The following ABCB7 variants were observed in gnomAD, a reference collection of about 807,000 sequenced individuals.
ABCB7 encodes ATP binding cassette subfamily B member 7.
Under a neutral mutation model 54.4 loss-of-function variants are expected in ABCB7, and 7 were observed. The observed-to-expected ratio is 0.13, with a 90% CI of 0.07 to 0.24. The LOEUF (loss-of-function observed/expected upper bound fraction) is 0.24, where lower values mean the gene tolerates loss of function less well. Among genes scored for constraint, ABCB7 ranks in the 10% least tolerant of loss-of-function variants. The pLI, the probability that ABCB7 is intolerant of heterozygous loss-of-function variation, is 1.00. For synonymous variants in ABCB7, 218 were observed against 207.1 expected, an observed-to-expected ratio of 1.05 and a Z score of -0.45; for missense variants, 356 against 570.4, an observed-to-expected ratio of 0.62 and a Z score of 3.83.
intron 1 of ABCB7, among the ~76,000 whole-genome samples, chrX:75,149,982 T>G (rs995935014): frequency 1.8e-5 from 2 of 111,371 alleles, no homozygotes; most frequent in Non-Finnish European, 3.8e-5. Flanking sequence ...TGGCTAGCAA[T>G]CTAGTTAGGT....
intron 1 of ABCB7, among the ~76,000 whole-genome samples, chrX:75,131,070 T>C (rs1473068830): frequency 1.8e-5 from 2 of 110,037 alleles, no homozygotes; most frequent in East Asian, 2.8e-4. Flanking sequence ...TAAAATAATA[T>C]ATTCTAAATG....
At chrX:75,095,805 T>C (rs2081585929) in intron 4 of ABCB7, among the ~76,000 whole-genome samples, 1 of 112,126 alleles carries the variant, frequency 8.9e-6, no homozygotes, top group African/African-American at 3.2e-5. Flanking sequence ...CACTCAGTAG[T>C]TGTTGATTAA....
Position 75,063,632 on chromosome X carries a change from G to A in ABCB7, c.1832-1201C>T, listed in dbSNP as rs193264784. Reference sequence around the variant, plus strand: ...CAGTAGCAGAAAGTTCCTCAAAGAAGTAGATATTCAGAGGAAGGACTAGTT... The same window carrying A: ...CAGTAGCAGAAAGTTCCTCAAAGAAATAGATATTCAGAGGAAGGACTAGTT... On this transcript the variant is annotated intron_variant, in intron 13 of 15. Transcript: ENST00000373394. 5.3e-4 allele frequency among the ~76,000 whole-genome samples: 59 copies of A among 111,169 alleles called. 1 individual carries two copies. Among genetic ancestry groups the A allele is most frequent in the Admixed American group, 3.7e-3 (38 of 10,394 alleles).
At chrX:75,104,060 T>TTTTG in intron 3 of ABCB7, among the ~76,000 whole-genome samples, 1 of 65,115 alleles carries the variant, frequency 1.5e-5, no homozygotes, top group Non-Finnish European at 2.8e-5. Context: ...TTTTTTTTTT[T>TTTTG]TTTTTTTTTT....
Position 75,156,280 on chromosome X carries a change from G to C in ABCB7, c.-8C>G. The C allele has an allele frequency of 8.3e-7, 1 of 1,199,536 alleles. No homozygotes were observed. Among genetic ancestry groups the C allele is most frequent in the Non-Finnish European group, 1.1e-6 (1 of 889,594 alleles). ...CATCGCGAGCAGCGCCATCTTGAGC[G>C]AGGAAAGAGGAACCGAGAGAAGAGG... On this transcript the variant is annotated 5_prime_UTR_variant, in exon 1 of 16. Transcript: ENST00000373394.
chrX:75,083,261 G>C lies in ABCB7; in HGVS notation c.454-6607C>G, dbSNP rs1305247007. Among the ~76,000 whole-genome samples, 3 of 111,086 alleles carry C rather than the reference G, an allele frequency of 2.7e-5. No homozygotes were observed. In the South Asian group the frequency reaches 1.1e-3, roughly 42 times the overall value. ...CTTAACCTCTACCCAATACACACCA[G>C]TAGCATACCCCACCCCCTCTAGTTG... On this transcript the variant is annotated intron_variant, in intron 4 of 15. Transcript: ENST00000373394.
chrX:75,137,478 T>C lies in ABCB7; in HGVS notation c.168+18627A>G, dbSNP rs148947052. The stretch of plus-strand genomic sequence containing the variant: ...TTGTGGAAAGCATTCTGGAGATTTC[T>C]CAAAGAACTTAAAACAGAATTACCA... On this transcript the variant is annotated intron_variant, in intron 1 of 15. Coordinates refer to ENST00000373394, the MANE Select transcript of ABCB7 (RefSeq NM_001271696.3). 2.9e-3 allele frequency among the ~76,000 whole-genome samples: 331 copies of C among 112,448 alleles called. 1 individual carries two copies. Among genetic ancestry groups the C allele is most frequent in the African/African-American group, 9.7e-3 (300 of 30,971 alleles).
intron 15 of ABCB7, among the ~76,000 whole-genome samples, chrX:75,054,586 T>A (rs961867158): frequency 9.9e-5 from 11 of 111,176 alleles, no homozygotes; most frequent in African/African-American, 3.6e-4. Context: ...TGTTTTTTTT[T>A]TTCATTTGCT....
chrX:75,070,516 A>C lies in ABCB7; in HGVS notation c.1214T>G (p.Leu405Arg). The C allele has an allele frequency of 8.3e-7, 1 of 1,209,688 alleles. No individual in the cohort carries two copies. The highest frequency in any genetic ancestry group is 1.1e-6 in the Non-Finnish European group (1 of 894,013). Residue 405 changes from leucine to arginine, a missense_variant, in exon 10 of 16, where the codon CTT (leucine) becomes CGT (arginine). This residue lies in a region of ABCB7 where 241 missense variants were observed against 470.9 expected (regional missense o/e 0.51). Transcript: ENST00000373394. ...CACCATTACTAGATCTCCAACAGTA[A>C]GGGTACCTTAAAAGGCAGAAGAAAA... The part of the protein sequence containing the change: ...LASQGIVAGT[L>R]TVGDLVMVNG...
At chrX:75,124,524 C>G (rs999071901) in intron 1 of ABCB7, among the ~76,000 whole-genome samples, 6 of 111,724 alleles carry the variant, frequency 5.4e-5, no homozygotes, top group African/African-American at 1.9e-4. Flanking sequence ...CTAAGAGTAA[C>G]AAAGAATTGC....
intron 3 of ABCB7, among the ~76,000 whole-genome samples, chrX:75,107,805 G>A (rs1290788223): frequency 9.0e-6 from 1 of 111,110 alleles, no homozygotes; most frequent in East Asian, 2.9e-4. Flanking sequence ...CCTTCTGCTT[G>A]AGAAAAGCAG....
At chrX:75,131,968 C>T (rs2081977473) in intron 1 of ABCB7, among the ~76,000 whole-genome samples, 1 of 111,954 alleles carries the variant, frequency 8.9e-6, no homozygotes, top group Non-Finnish European at 1.9e-5. Context: ...CTGATACCTC[C>T]GTGACACTGC....
chrX:75,103,426 A>G (rs2081655832), intron 3 of ABCB7, among the ~76,000 whole-genome samples: 1 of 111,127 alleles, frequency 9.0e-6, no homozygotes, highest in Non-Finnish European at 1.9e-5. Context: ...AGTTGGCTAT[A>G]AATACATGGA....
chrX:75,068,954 T>C (rs2081342574), intron 12 of ABCB7, 53 bp downstream of exon 12: 3 of 1,164,208 alleles, frequency 2.6e-6, no homozygotes, highest in South Asian at 3.6e-5. Context: ...TAGTTACGGA[T>C]TGATCAACCC....
At chrX:75,101,820 T>C (rs985408274) in intron 3 of ABCB7, among the ~76,000 whole-genome samples, 6 of 111,555 alleles carry the variant, frequency 5.4e-5, no homozygotes, top group African/African-American at 1.9e-4. Flanking sequence ...AAGGACACAG[T>C]GAAGTTATGG....
chrX:75,112,495 G>A (rs780522035), intron 3 of ABCB7, among the ~76,000 whole-genome samples: 6 of 111,505 alleles, frequency 5.4e-5, no homozygotes, highest in Non-Finnish European at 1.1e-4. Context: ...ATGAAGCTAG[G>A]GGATATTCTA....
At chrX:75,059,295 T>A (rs2081264038) in intron 15 of ABCB7, among the ~76,000 whole-genome samples, 1 of 109,752 alleles carries the variant, frequency 9.1e-6, no homozygotes, top group Non-Finnish European at 1.9e-5. Context: ...CTGGGCAACA[T>A]GGTGAAACCC....
chrX:75,075,724 G>A, intron 5 of ABCB7, 94 bp from the exon 6 acceptor site: 1 of 841,463 alleles, frequency 1.2e-6, no homozygotes, highest in Non-Finnish European at 1.7e-6. Flanking sequence ...TTTGTACAAT[G>A]AGTAATTCAG....
chrX:75,074,201 C>T (rs945634827), intron 6 of ABCB7, among the ~76,000 whole-genome samples: 2 of 110,933 alleles, frequency 1.8e-5, no homozygotes, highest in Non-Finnish European at 3.8e-5. Context: ...GAAGATAGTA[C>T]AAAAAGCCTA....
Sources: gnomAD v4.1 joint callset for allele counts (sites outside exome capture counted in the v4.1 genomes callset) on GRCh38, gnomAD v4.1.1 for gene constraint, gnomAD v4.1.1 regional missense constraint, MANE v1.5 for transcripts, NCBI Gene and HGNC (gene_info 2026-07-23, HGNC 2026-07-21) for gene names.